Variants in AQP11 observed in about 807,000 individuals in gnomAD.
AQP11 encodes aquaporin 11, also known as aquaporin-11.
A neutral mutation model predicts 21.1 loss-of-function variants in AQP11; 20 were observed. The ratio of observed to expected loss-of-function variants is 0.95; its 90% CI spans 0.67 to 1.38. The LOEUF is 1.38. Ranked by LOEUF, AQP11 falls within the 40% of genes most tolerant of loss-of-function variation. The pLI is 0.00. For synonymous variants in AQP11, 167 were observed against 150.1 expected (o/e 1.11, Z -0.82); for missense variants, 339 against 340.4 (o/e 1.00, Z 0.03).
intron 1 of AQP11, among the ~76,000 whole-genome samples, chr11:77,595,287 G>A (rs1958771778): frequency 6.6e-6 from 1 of 152,088 alleles, no homozygotes; most frequent in African/African-American, 2.4e-5. Context: ...GTTGCAGTGA[G>A]CTGAGGTCGT....
chr11:77,605,587 A>G (rs1958841296), intron 2 of AQP11, among the ~76,000 whole-genome samples: 2 of 151,996 alleles, frequency 1.3e-5, no homozygotes, highest in Non-Finnish European at 2.9e-5. Flanking sequence ...TAGGTTACAC[A>G]CTCCTTATGA....
At position 77,609,395 on chromosome 11, in the gene AQP11, A is replaced by C. The variant is rs1158505074; in HGVS notation, c.*18A>C. 3 of 1,589,932 alleles carry C rather than the reference A, an allele frequency of 1.9e-6. No individual in the cohort carries two copies. The highest frequency in any genetic ancestry group is 2.6e-6 in the Non-Finnish European group (3 of 1,160,360). On this transcript the variant is annotated 3_prime_UTR_variant, in exon 3 of 3. Coordinates refer to ENST00000313578, the MANE Select transcript of AQP11 (RefSeq NM_173039.3). ...AGGAATAACTGTTCCAAAGACTCAG[A>C]CTAACATACAGGACAGTCCAGCTGG...
chr11:77,597,066 A>G (rs957059251), intron 1 of AQP11, among the ~76,000 whole-genome samples: 29 of 152,184 alleles, frequency 1.9e-4, no homozygotes, highest in African/African-American at 7.0e-4. Context: ...ACAGGCTTCC[A>G]GTATAATTTG....
intron 2 of AQP11, among the ~76,000 whole-genome samples, chr11:77,605,991 C>T (rs908295816): frequency 4.1e-5 from 6 of 145,086 alleles, no homozygotes; most frequent in African/African-American, 1.0e-4. Context: ...TGCAGTGAGC[C>T]GAGATCGCAC....
chr11:77,599,089 C>T (rs1212555665), intron 1 of AQP11, among the ~76,000 whole-genome samples: 2 of 152,236 alleles, frequency 1.3e-5, no homozygotes, highest in East Asian at 3.9e-4. Flanking sequence ...CCATGTTGGT[C>T]AGGCTGGTCT....
chr11:77,591,424 C>A, intron 1 of AQP11: 1 of 646,722 alleles, frequency 1.5e-6, no homozygotes, highest in Non-Finnish European at 1.9e-6. Context: ...TTTATTGGGA[C>A]TACATCTAAA....
intron 1 of AQP11, 149 bp downstream of exon 1, chr11:77,590,760 C>G: frequency 6.8e-7 from 1 of 1,478,236 alleles, no homozygotes. Context: ...GCAGCCCGTT[C>G]TTAACCAGTA....
intron 1 of AQP11, 144 bp from the exon 2 acceptor site, chr11:77,603,411 TA>T: frequency 1.7e-6 from 1 of 597,878 alleles, no homozygotes. Context: ...GATTATAGTC[TA>T]AAATATGCCA....
rs1565115836 is a variant in AQP11, at chr11:77,590,595, C to A, written c.603C>A (p.Thr201=). 2 of 1,613,746 alleles carry A rather than the reference C, an allele frequency of 1.2e-6. No homozygotes were observed. Among genetic ancestry groups the A allele is most frequent in the Admixed American group, 3.3e-5 (2 of 59,990 alleles). ...TCCACCTGCTGGCTGCACTCATCACCTTTTTGGTCTATGCAGGTTTGTCAT... is the reference window on the plus strand; with the variant it reads ...TCCACCTGCTGGCTGCACTCATCACATTTTTGGTCTATGCAGGTTTGTCAT... ...LRIHLLAALI[T]FLVYAGGSLT... Residue 201 remains threonine, a synonymous_variant, in exon 1 of 3, where the codon ACC becomes ACA. Coordinates refer to ENST00000313578, the MANE Select transcript of AQP11 (RefSeq NM_173039.3).
chr11:77,600,046 G>C (rs932636321), intron 1 of AQP11, among the ~76,000 whole-genome samples: 1 of 151,912 alleles, frequency 6.6e-6, no homozygotes, highest in Non-Finnish European at 1.5e-5. Context: ...TGCAACCTCT[G>C]CCTCCTGGGT....
rs73500735 is a variant in AQP11, at chr11:77,594,782, C to T, written c.619+4171C>T. Among the ~76,000 whole-genome samples the T allele has an allele frequency of 2.2e-3, 332 of 151,954 alleles. 3 individuals carry two copies. Among genetic ancestry groups the T allele is most frequent in the African/African-American group, 7.3e-3 (301 of 41,430 alleles). On this transcript the variant is annotated intron_variant, in intron 1 of 2. Transcript: ENST00000313578. ...CAGGCTCCTAAGGATAGCCAGTGAC[C>T]AAGTGTCTGTGTATTTATTGATTTA...
At chr11:77,590,883 A>C in intron 1 of AQP11, 1 of 985,434 alleles carries the variant, frequency 1.0e-6, no homozygotes, top group Non-Finnish European at 1.2e-6. Flanking sequence ...CAGATATCCT[A>C]CAAAGGGATT....
intron 1 of AQP11, among the ~76,000 whole-genome samples, chr11:77,597,024 A>ATTT (rs1372396210): frequency 4.6e-5 from 7 of 152,092 alleles, no homozygotes; most frequent in Non-Finnish European, 1.0e-4. Flanking sequence ...AATAATTATT[A>ATTT]TTTATTATTA....
chr11:77,607,656 G>C (rs1043379488), intron 2 of AQP11, among the ~76,000 whole-genome samples: 1 of 151,780 alleles, frequency 6.6e-6, no homozygotes, highest in African/African-American at 2.4e-5. Flanking sequence ...TCAGCTACTC[G>C]GCAGGCTGAG....
intron 1 of AQP11, among the ~76,000 whole-genome samples, chr11:77,595,758 C>G (rs1400709640): frequency 6.6e-6 from 1 of 151,790 alleles, no homozygotes; most frequent in Non-Finnish European, 1.5e-5. Flanking sequence ...CCTGTCTCTA[C>G]TAAAAATACA....
In AQP11 at chr11:77,610,182, G is replaced by C. The variant is rs1406960297; in HGVS notation, c.*805G>C. On this transcript the variant is annotated 3_prime_UTR_variant, in exon 3 of 3. Coordinates refer to ENST00000313578, the MANE Select transcript of AQP11 (RefSeq NM_173039.3). ...TTGCTGCCCTGGCTTAGATCACATAGAGCCAAATACCATCTCTAGTCTTCA... is the reference window on the plus strand; with the variant it reads ...TTGCTGCCCTGGCTTAGATCACATACAGCCAAATACCATCTCTAGTCTTCA... The C allele has an allele frequency of 1.3e-5, 2 of 152,096 alleles. No homozygotes were observed. The highest frequency in any genetic ancestry group is 2.4e-5 in the African/African-American group (1 of 41,428). The allele number at this position is 152,096 out of a possible 1,614,324, so 9.4% of individuals were successfully genotyped here.
intron 2 of AQP11, among the ~76,000 whole-genome samples, chr11:77,607,252 A>G (rs1378920362): frequency 6.6e-6 from 1 of 152,230 alleles, no homozygotes; most frequent in African/African-American, 2.4e-5. Context: ...GACACATTAT[A>G]TAACTCTGAA....
intron 2 of AQP11, 74 bp from the exon 3 acceptor site, chr11:77,609,224 T>A (rs1267558705): frequency 1.2e-5 from 14 of 1,143,810 alleles, no homozygotes; most frequent in African/African-American, 3.1e-5. Flanking sequence ...ATTGTAATTT[T>A]AAAATATACC....
chr11:77,600,020 C>T (rs547367786), intron 1 of AQP11, among the ~76,000 whole-genome samples: 8 of 152,118 alleles, frequency 5.3e-5, no homozygotes, highest in Non-Finnish European at 8.8e-5. Flanking sequence ...AGTACAGTGG[C>T]GTGATCTTGG....
Sources: allele counts gnomAD v4.1 joint callset (sites outside exome capture counted in the v4.1 genomes callset), GRCh38; gene constraint gnomAD v4.1.1; transcripts MANE v1.5; gene names NCBI Gene and HGNC (gene_info 2026-07-23, HGNC 2026-07-21).